Variants in TRERF1 observed in about 807,000 individuals in gnomAD.
TRERF1 encodes transcriptional regulating factor 1, also known as transcriptional-regulating factor 1.
TRERF1 carries 27 observed loss-of-function variants against 122.9 expected under a neutral mutation model. That is an observed-to-expected ratio of 0.22 (90% CI 0.16 to 0.30). The LOEUF is 0.30. TRERF1 is among the 10% of genes least tolerant of loss of function. The pLI, the probability that TRERF1 is intolerant of heterozygous loss-of-function variation, is 1.00. For missense variants in TRERF1, 1,248 were observed against 1,560.3 expected (o/e 0.80, Z 3.37); for synonymous variants, 636 against 641.7 (o/e 0.99, Z 0.13).
At chr6:42,304,869 C>T (rs1460681733) in intron 3 of TRERF1, among the ~76,000 whole-genome samples, 2 of 152,232 alleles carry the variant, frequency 1.3e-5, no homozygotes, top group African/African-American at 4.8e-5. Flanking sequence ...GATAGCTCCT[C>T]CCAGGAGCTG....
chr6:42,365,731 A>G (rs1384615224), intron 2 of TRERF1, among the ~76,000 whole-genome samples: 1 of 152,154 alleles, frequency 6.6e-6, no homozygotes, highest in Non-Finnish European at 1.5e-5. Context: ...CGTCTTTTCT[A>G]CATACACTAC....
intron 13 of TRERF1, among the ~76,000 whole-genome samples, chr6:42,249,043 G>C (rs1243602080): frequency 6.6e-6 from 1 of 152,188 alleles, no homozygotes; most frequent in Non-Finnish European, 1.5e-5. Flanking sequence ...AGAGGAGTCA[G>C]AAAGATAATG....
chr6:42,428,876 C>G (rs1051727138), intron 2 of TRERF1, among the ~76,000 whole-genome samples: 1 of 152,168 alleles, frequency 6.6e-6, no homozygotes, highest in East Asian at 1.9e-4. Flanking sequence ...TTAATTATTC[C>G]CAGCAGGCCT....
At position 42,228,054 on chromosome 6, in the gene TRERF1, T is replaced by C. The variant is rs145917056; in HGVS notation, c.*291A>G. On this transcript the variant is annotated 3_prime_UTR_variant, in exon 18 of 18. Transcript: ENST00000372922. The surrounding 1 kb of genome is among the most constrained non-coding windows in gnomAD (Gnocchi z 4.2). ...GTTGACATCTGAATGCAATGGAACA[T>C]GAAGGTCAGCTTCAGTCCCTACTGG... The C allele has an allele frequency of 1.5e-3, 418 of 281,746 alleles. 1 individual carries two copies. The highest frequency in any genetic ancestry group is 7.5e-3 in the African/African-American group (339 of 45,316). The allele number at this position is 281,746 out of a possible 1,614,324, so 17.5% of individuals were successfully genotyped here. A position where few individuals can be genotyped will look rare whatever the true frequency, so the allele number is the denominator to read the frequency against.
At chr6:42,419,214 C>T (rs1182875936) in intron 2 of TRERF1, among the ~76,000 whole-genome samples, 2 of 152,072 alleles carry the variant, frequency 1.3e-5, no homozygotes, top group Non-Finnish European at 2.9e-5. Flanking sequence ...TTAGATAATT[C>T]AAAACCTGGA....
chr6:42,360,771 T>TAA (rs55924002), intron 3 of TRERF1, among the ~76,000 whole-genome samples: 926 of 36,396 alleles, frequency 0.025, 25 homozygotes, highest in Non-Finnish European at 0.034. Context: ...GTGGAGAGAT[T>TAA]AAAAAAAAAA....
At chr6:42,225,210 CTTTTTT>C (rs11399575), downstream of TRERF1, 1 of 128,740 alleles carries the variant, frequency 7.8e-6, no homozygotes, top group Non-Finnish European at 1.7e-5. Context: ...CTTTTTTTTT[CTTTTTT>C]TTTTTTTTAA....
intron 13 of TRERF1, among the ~76,000 whole-genome samples, chr6:42,247,584 G>A (rs952728481): frequency 6.6e-6 from 1 of 152,206 alleles, no homozygotes; most frequent in African/African-American, 2.4e-5. Flanking sequence ...TTTGCCGACC[G>A]AAGAGGGAGA....
chr6:42,254,271 G>A (rs1776327546), intron 13 of TRERF1, among the ~76,000 whole-genome samples: 1 of 152,160 alleles, frequency 6.6e-6, no homozygotes, highest in South Asian at 2.1e-4. Context: ...CTCTGCCCAT[G>A]TCTGTCATAG....
intron 5 of TRERF1, among the ~76,000 whole-genome samples, chr6:42,266,883 T>C (rs1026096910): frequency 6.6e-6 from 1 of 152,226 alleles, no homozygotes; most frequent in African/African-American, 2.4e-5. Context: ...ATGGGGCATC[T>C]GCTCTCTAGT....
intron 3 of TRERF1, among the ~76,000 whole-genome samples, chr6:42,311,627 G>A (rs967472098): frequency 4.0e-5 from 6 of 151,660 alleles, no homozygotes; most frequent in Non-Finnish European, 8.9e-5. Context: ...TTAGCCGGGC[G>A]TTGTGGCGGG....
At chr6:42,431,735 C>T (rs970365291) in intron 2 of TRERF1, among the ~76,000 whole-genome samples, 1 of 151,962 alleles carries the variant, frequency 6.6e-6, no homozygotes, top group African/African-American at 2.4e-5. Context: ...ACCCCCCAAC[C>T]CCACAATAGA....
intron 2 of TRERF1, among the ~76,000 whole-genome samples, chr6:42,447,676 C>T (rs1382784555): frequency 6.6e-6 from 1 of 152,030 alleles, no homozygotes; most frequent in African/African-American, 2.4e-5. Flanking sequence ...AAGCCACTTG[C>T]CTAGATCCTT....
chr6:42,440,757 G>C (rs1182793817), intron 2 of TRERF1, among the ~76,000 whole-genome samples: 1 of 152,136 alleles, frequency 6.6e-6, no homozygotes, highest in Non-Finnish European at 1.5e-5. Flanking sequence ...GGGGTGGCAG[G>C]GGTGAGGAAG....
exon 18 of TRERF1, chr6:42,226,781 TGTCAAG>T (rs1349743151): frequency 6.6e-6 from 1 of 152,246 alleles, no homozygotes; most frequent in African/African-American, 2.4e-5. Context: ...TTCTCTCTCA[TGTCAAG>T]CTATGAATGT....
Position 42,232,735 on chromosome 6 carries a change from G to A in TRERF1, c.3224C>T (p.Thr1075Ile). The change falls in exon 17 of 18, where the codon ACC (threonine) becomes ATC (isoleucine). Residue 1075 changes from threonine to isoleucine, a missense_variant. Physicochemically the swap from Thr to Ile is moderately conservative, Grantham distance 89. Transcript: ENST00000372922. The surrounding 1 kb of genome is among the most constrained non-coding windows in gnomAD (Gnocchi z 4.5). ...GGTGGGGTCTGTCTCGCCGCTGGTG[G>A]TGCTGTGAGAGGGTGAGCTCTTTAC... is the stretch of plus-strand genomic sequence containing the variant. 3 of 1,609,444 alleles carry A rather than the reference G, an allele frequency of 1.9e-6. No homozygotes were observed. The highest frequency in any genetic ancestry group is 2.2e-5 in the South Asian group (2 of 90,956).
chr6:42,272,002 T>C (rs1044455938), intron 4 of TRERF1, among the ~76,000 whole-genome samples: 1 of 152,090 alleles, frequency 6.6e-6, no homozygotes, highest in African/African-American at 2.4e-5. Context: ...TGACGGGAGG[T>C]ATTAAATTGC....
intron 2 of TRERF1, among the ~76,000 whole-genome samples, chr6:42,440,916 T>C (rs1268432343): frequency 1.3e-5 from 2 of 152,152 alleles, no homozygotes; most frequent in African/African-American, 4.8e-5. Context: ...AAAGTAGCCC[T>C]GCTGCCCCCT....
At position 42,263,989 on chromosome 6, in the gene TRERF1, A is replaced by C. The variant is rs369678205; in HGVS notation, c.1636-421T>G. Among the ~76,000 whole-genome samples the C allele has an allele frequency of 1.3e-5, 2 of 152,258 alleles. No individual in the cohort carries two copies. Among genetic ancestry groups the C allele is most frequent in the South Asian group, 2.1e-4 (1 of 4,838 alleles). On this transcript the variant is annotated intron_variant, in intron 7 of 17. Transcript: ENST00000372922. The surrounding 1 kb of genome is among the most constrained non-coding windows in gnomAD (Gnocchi z 5.6). Reference sequence around the variant, plus strand: ...AATTTTATTCAGGTCAGGAAACCACACTGGAGATACAAAACATGTACTTTT... The same window carrying C: ...AATTTTATTCAGGTCAGGAAACCACCCTGGAGATACAAAACATGTACTTTT...
Sources: gnomAD v4.1 joint callset for allele counts (sites outside exome capture counted in the v4.1 genomes callset) on GRCh38, gnomAD v4.1.1 for gene constraint, Gnocchi (gnomAD v3.1) non-coding constraint, MANE v1.5 for transcripts, NCBI Gene and HGNC (gene_info 2026-07-23, HGNC 2026-07-21) for gene names.